The following MLIP variants were observed in gnomAD, a reference collection of about 807,000 sequenced individuals.
MLIP encodes muscular LMNA-interacting protein.
In MLIP, 79 loss-of-function variants were observed where a neutral mutation model predicts 84.8. The ratio of observed to expected loss-of-function variants is 0.93; its 90% CI spans 0.78 to 1.12. The LOEUF is 1.12. Ranked by LOEUF, MLIP falls within the 50% of genes most tolerant of loss-of-function variation. MLIP has a pLI of 0.00. For missense variants in MLIP, 1,257 were observed against 1,160.6 expected (o/e 1.08, Z -1.21); for synonymous variants, 504 against 463.0 (o/e 1.09, Z -1.14).
At chr6:54,215,171 G>A in intron 11 of MLIP, 1 of 1,535,594 alleles carries the variant, frequency 6.5e-7, no homozygotes, top group Non-Finnish European at 8.7e-7. Context: ...TACTGCAACG[G>A]AAGTGACACG....
At chr6:54,124,426 T>C (rs1484778388) in intron 2 of MLIP, 47 bp from the exon 3 acceptor site, 2 of 1,527,326 alleles carry the variant, frequency 1.3e-6, no homozygotes, top group South Asian at 1.3e-5. Context: ...AAAAGAAGCA[T>C]TTATTAAACT....
chr6:54,207,407 G>GCCCC (rs1202588494), intron 11 of MLIP, among the ~76,000 whole-genome samples: 2 of 119,938 alleles, frequency 1.7e-5, no homozygotes, highest in South Asian at 2.6e-4. Context: ...CATCACCTCT[G>GCCCC]CACCCCCCCC....
chr6:54,246,653 ATC>A (rs1302282739), intron 12 of MLIP, among the ~76,000 whole-genome samples: 2 of 152,004 alleles, frequency 1.3e-5, no homozygotes, highest in East Asian at 3.9e-4. Flanking sequence ...TTCATAACTT[ATC>A]TGTTATTTCT....
chr6:54,072,922 T>G (rs1766574961), intron 1 of MLIP, among the ~76,000 whole-genome samples: 1 of 152,248 alleles, frequency 6.6e-6, no homozygotes, highest in African/African-American at 2.4e-5. Flanking sequence ...TTTCTTCTTC[T>G]GCCTCAGGGA....
intron 13 of MLIP, chr6:54,261,495 T>C (rs1429753777): frequency 2.5e-6 from 2 of 804,030 alleles, no homozygotes; most frequent in African/African-American, 3.8e-5. Context: ...TCTTGTGTTT[T>C]CTTATTCCTT....
intron 10 of MLIP, among the ~76,000 whole-genome samples, chr6:54,191,475 G>T (rs112448532): frequency 0.011 from 1,702 of 152,182 alleles, 28 homozygotes; most frequent in African/African-American, 0.037. Flanking sequence ...TGTGTGTGTG[G>T]GGGGGCAATA....
chr6:54,220,090 C>T (rs191833838), intron 11 of MLIP, among the ~76,000 whole-genome samples: 5 of 152,122 alleles, frequency 3.3e-5, no homozygotes, highest in Admixed American at 6.5e-5. Context: ...ATCAGACATA[C>T]GTATCCATTT....
chr6:54,167,566 TTTA>T (rs1775320635), intron 8 of MLIP, among the ~76,000 whole-genome samples: 3 of 152,020 alleles, frequency 2.0e-5, no homozygotes, highest in Admixed American at 2.0e-4. Context: ...TTTTTGGTTG[TTTA>T]TTATTTCTGC....
chr6:54,057,103 C>A (rs1765705287), intron 1 of MLIP, among the ~76,000 whole-genome samples: 1 of 152,158 alleles, frequency 6.6e-6, no homozygotes, highest in East Asian at 1.9e-4. Flanking sequence ...TTTGGTATTA[C>A]TTCTATCCCA....
At chr6:54,051,225 A>C (rs925064751) in intron 1 of MLIP, among the ~76,000 whole-genome samples, 2 of 151,734 alleles carry the variant, frequency 1.3e-5, no homozygotes, top group South Asian at 4.1e-4. Flanking sequence ...TTGAAGAACT[A>C]TCCTGCAGCA....
At chr6:54,091,757 T>A (rs1767889220) in intron 1 of MLIP, among the ~76,000 whole-genome samples, 1 of 152,206 alleles carries the variant, frequency 6.6e-6, no homozygotes. Flanking sequence ...TTCTAAACCC[T>A]AGGCCTCCAG....
At chr6:54,022,566 G>C (rs1763555723) in intron 1 of MLIP, among the ~76,000 whole-genome samples, 1 of 152,042 alleles carries the variant, frequency 6.6e-6, no homozygotes, top group Non-Finnish European at 1.5e-5. Flanking sequence ...ATTATGTTAA[G>C]TAAAACTAAG....
At position 54,083,717 on chromosome 6, in the gene MLIP, C is replaced by T. The variant is rs78511481; in HGVS notation, c.64-37730C>T. 711 of 1,325,554 alleles carry T rather than the reference C, an allele frequency of 5.4e-4. 1 individual carries two copies. The East Asian group carries it at 6.1e-3, about 11-fold the overall frequency. 82.1% of individuals were successfully genotyped at this position (1,325,554 alleles called of 1,614,324 possible). A position where few individuals can be genotyped will look rare whatever the true frequency, so the allele number is the denominator to read the frequency against. ...TGTACTGTCTTTGTATTTCTTATTT[C>T]GTATTGCAGTAGTTATGTTTTAGGT... On this transcript the variant is annotated intron_variant, in intron 1 of 12. Transcript: ENST00000274897.
intron 13 of MLIP, among the ~76,000 whole-genome samples, chr6:54,264,118 G>A (rs1035192536): frequency 2.0e-5 from 3 of 152,044 alleles, no homozygotes; most frequent in Non-Finnish European, 4.4e-5. Context: ...TTCGGGAAGA[G>A]CTGAGAAATA....
intron 1 of MLIP, among the ~76,000 whole-genome samples, chr6:54,030,042 G>A (rs187699741): frequency 2.0e-5 from 3 of 152,222 alleles, no homozygotes; most frequent in African/African-American, 7.2e-5. Context: ...CTTGTGTCTG[G>A]AGAAACCCTG....
At chr6:54,198,063 G>A (rs1266946777) in intron 10 of MLIP, among the ~76,000 whole-genome samples, 1 of 152,080 alleles carries the variant, frequency 6.6e-6, no homozygotes, top group African/African-American at 2.4e-5. Context: ...GGGTGTCTCT[G>A]GAATGATAGA....
chr6:54,209,412 C>A (rs1582507178), intron 11 of MLIP, among the ~76,000 whole-genome samples: 1 of 152,134 alleles, frequency 6.6e-6, no homozygotes, highest in East Asian at 1.9e-4. Context: ...TTGTGAAGTT[C>A]AGCCTATGGA....
chr6:54,228,478 T>C (rs997938560), intron 11 of MLIP, among the ~76,000 whole-genome samples: 2 of 152,160 alleles, frequency 1.3e-5, no homozygotes, highest in Non-Finnish European at 2.9e-5. Context: ...GATTCTGCTC[T>C]CCCTCCCTGC....
intron 1 of MLIP, among the ~76,000 whole-genome samples, chr6:54,094,391 G>A (rs1260389210): frequency 6.6e-6 from 1 of 152,084 alleles, no homozygotes; most frequent in African/African-American, 2.4e-5. Flanking sequence ...AGCAGCCTCA[G>A]TCTGCATATT....
Sources: gnomAD v4.1 joint callset for allele counts (sites outside exome capture counted in the v4.1 genomes callset) on GRCh38, gnomAD v4.1.1 for gene constraint, MANE v1.5 for transcripts, NCBI Gene and HGNC (gene_info 2026-07-23, HGNC 2026-07-21) for gene names.